RFX4: variants seen among roughly 807,000 people sequenced by gnomAD.
RFX4 encodes regulatory factor X4.
RFX4 carries 10 observed loss-of-function variants against 95.0 expected under a neutral mutation model. The observed-to-expected ratio is 0.11, with a 90% CI of 0.06 to 0.18. The LOEUF (loss-of-function observed/expected upper bound fraction) is 0.18. RFX4 is among the 10% of genes least tolerant of loss of function. The pLI is 1.00. For synonymous variants in RFX4, 321 were observed against 340.7 expected (o/e 0.94, Z 0.64); for missense variants, 640 against 922.0 (o/e 0.69, Z 3.96).
At chr12:106,682,333 A>G in intron 5 of RFX4, 1 of 482,816 alleles carries the variant, frequency 2.1e-6, no homozygotes, top group Non-Finnish European at 3.7e-6. Flanking sequence ...AGTCTTGGGC[A>G]TCATTGAAAG....
chr12:106,713,591 G>C (rs1309198173), intron 10 of RFX4, among the ~76,000 whole-genome samples: 1 of 152,168 alleles, frequency 6.6e-6, no homozygotes, highest in South Asian at 2.1e-4. Flanking sequence ...ATGTGCAAAG[G>C]CCTTGAGGTA....
intron 8 of RFX4, among the ~76,000 whole-genome samples, chr12:106,705,357 C>T (rs533444183): frequency 6.6e-6 from 1 of 152,294 alleles, no homozygotes; most frequent in Admixed American, 6.5e-5. Flanking sequence ...GTAGACTTGG[C>T]AGCCAGCCGC....
Position 106,715,511 on chromosome 12 carries a change from T to G in RFX4, c.1105T>G (p.Ser369Ala). The G allele has an allele frequency of 6.2e-7, 1 of 1,614,154 alleles. No homozygotes were observed. The highest frequency in any genetic ancestry group is 8.5e-7 in the Non-Finnish European group (1 of 1,180,016). Reference sequence around the variant, plus strand: ...GCAAACCCTTTACACCATGGAAGACTCTCGCGATGAGCACCGGAAACTCAT... The same window carrying G: ...GCAAACCCTTTACACCATGGAAGACGCTCGCGATGAGCACCGGAAACTCAT... ...TKQTLYTMED[S>A]RDEHRKLITQ... is the part of the protein sequence containing the mutation. The change falls in exon 11 of 18, where the codon TCT (serine) becomes GCT (alanine). Residue 369 changes from serine to alanine, a missense_variant. This residue lies in a region of RFX4 where 72 missense variants were observed against 80.5 expected (regional missense o/e 0.89). Coordinates refer to ENST00000392842, the MANE Select transcript of RFX4 (RefSeq NM_213594.3).
At chr12:106,717,840 C>T (rs1304833876) in intron 11 of RFX4, among the ~76,000 whole-genome samples, 2 of 152,198 alleles carry the variant, frequency 1.3e-5, no homozygotes, top group East Asian at 1.9e-4. Context: ...TACCTCCTAA[C>T]CAGACAGCTG....
At chr12:106,756,049 C>T (rs757297850) in intron 17 of RFX4, among the ~76,000 whole-genome samples, 40 of 152,192 alleles carry the variant, frequency 2.6e-4, no homozygotes, top group Non-Finnish European at 4.6e-4. Flanking sequence ...ACAATATATA[C>T]TTTCTTCCTG....
At chr12:106,654,928 T>G (rs1007819759) in intron 4 of RFX4, among the ~76,000 whole-genome samples, 4 of 152,234 alleles carry the variant, frequency 2.6e-5, no homozygotes, top group Non-Finnish European at 4.4e-5. Flanking sequence ...GATCATTTAT[T>G]TATTTGATGG....
chr12:106,672,150 T>TA (rs143396480), intron 4 of RFX4, among the ~76,000 whole-genome samples: 4 of 151,632 alleles, frequency 2.6e-5, no homozygotes, highest in East Asian at 1.9e-4. Flanking sequence ...CATGTTTCTT[T>TA]AAAAAAAAAT....
intron 3 of RFX4, among the ~76,000 whole-genome samples, chr12:106,640,521 A>T (rs2040599986): frequency 6.6e-6 from 1 of 152,236 alleles, no homozygotes; most frequent in South Asian, 2.1e-4. Flanking sequence ...CAAGAATAGC[A>T]AAGGTTGTTT....
At chr12:106,646,056 AATGGTAAAGCC>A (rs2040737540) in intron 3 of RFX4, 4 of 782,478 alleles carry the variant, frequency 5.1e-6, no homozygotes, top group Admixed American at 2.5e-5. Context: ...AAATGTGTCA[AATGGTAAAGCC>A]ATTTGACGGG....
At chr12:106,692,252 G>C (rs2041799858) in intron 7 of RFX4, among the ~76,000 whole-genome samples, 1 of 151,986 alleles carries the variant, frequency 6.6e-6, no homozygotes, top group Non-Finnish European at 1.5e-5. Context: ...CAGTAGTCTT[G>C]TGATTGAGTC....
In RFX4 at chr12:106,703,792, A is replaced by T. The variant is rs910110315; in HGVS notation, c.834-5538A>T. 4.2e-4 allele frequency among the ~76,000 whole-genome samples: 64 copies of T among 152,138 alleles called. 2 individuals are homozygous for T. The highest frequency in any genetic ancestry group is 3.6e-3 in the Admixed American group (55 of 15,272). On this transcript the variant is annotated intron_variant, in intron 8 of 17. Transcript: ENST00000392842. Reference sequence around the variant, plus strand: ...TTAAAAGCTGAAATGAGGGCCAGGCATGGTGGCTCATGCCTGTAATCCCAG... The same window carrying T: ...TTAAAAGCTGAAATGAGGGCCAGGCTTGGTGGCTCATGCCTGTAATCCCAG...
intron 8 of RFX4, among the ~76,000 whole-genome samples, chr12:106,700,603 T>C (rs1308001090): frequency 2.0e-5 from 3 of 151,332 alleles, no homozygotes; most frequent in Non-Finnish European, 4.4e-5. Context: ...AGACGGGGTT[T>C]CACCTTGTTA....
intron 15 of RFX4, among the ~76,000 whole-genome samples, chr12:106,738,069 C>G (rs1469902909): frequency 6.6e-6 from 1 of 152,148 alleles, no homozygotes; most frequent in African/African-American, 2.4e-5. Flanking sequence ...TCATGCAGCT[C>G]TCAGGAGTTC....
At chr12:106,732,541 A>T (rs981084451) in intron 14 of RFX4, among the ~76,000 whole-genome samples, 3 of 152,068 alleles carry the variant, frequency 2.0e-5, no homozygotes, top group Non-Finnish European at 2.9e-5. Flanking sequence ...TCTACTAAAA[A>T]TACAAAAAAT....
chr12:106,713,555 A>G (rs2137506648), intron 10 of RFX4, among the ~76,000 whole-genome samples: 1 of 152,300 alleles, frequency 6.6e-6, no homozygotes, highest in Middle Eastern at 3.4e-3. Context: ...AGGAGGGAGA[A>G]GAATGTTCCG....
At chr12:106,597,467 C>T (rs1247931801) in intron 1 of RFX4, among the ~76,000 whole-genome samples, 3 of 152,188 alleles carry the variant, frequency 2.0e-5, no homozygotes, top group Non-Finnish European at 2.9e-5. Context: ...GGGCCTGATA[C>T]ATTCGCTAAG....
chr12:106,683,482 A>C (rs959658888), intron 5 of RFX4: 11 of 149,448 alleles, frequency 7.4e-5, no homozygotes, highest in Non-Finnish European at 5.9e-5. Context: ...AAAAAAAAAA[A>C]AAAAAAAAAA....
intron 16 of RFX4, 70 bp from the exon 17 acceptor site, chr12:106,750,585 T>C: frequency 2.3e-6 from 3 of 1,316,548 alleles, no homozygotes. Flanking sequence ...AGATGAGGTT[T>C]TTAAAAAGGT....
intron 4 of RFX4, among the ~76,000 whole-genome samples, chr12:106,673,029 T>C (rs1361807906): frequency 6.6e-6 from 1 of 152,186 alleles, no homozygotes; most frequent in Non-Finnish European, 1.5e-5. Context: ...CATTAGATAC[T>C]TTTAGGTAAA....
Sources: allele counts gnomAD v4.1 joint callset (sites outside exome capture counted in the v4.1 genomes callset), GRCh38; gene constraint gnomAD v4.1.1; regional missense constraint gnomAD v4.1.1; transcripts MANE v1.5; gene names NCBI Gene and HGNC (gene_info 2026-07-23, HGNC 2026-07-21).